The following DOCK7 variants were observed in gnomAD, a reference collection of about 807,000 sequenced individuals.
DOCK7 encodes dedicator of cytokinesis protein 7.
A neutral mutation model predicts 271.0 loss-of-function variants in DOCK7; 138 were observed. That is an observed-to-expected ratio of 0.51 (90% CI 0.44 to 0.59). The LOEUF is 0.59. Ranked by LOEUF, DOCK7 falls within the 20% of genes least tolerant of loss-of-function variation. The pLI is 0.00. For synonymous variants in DOCK7, 823 were observed against 876.1 expected (o/e 0.94, Z 1.07); for missense variants, 2,066 against 2,592.4 (o/e 0.80, Z 4.41).
chr1:62,527,086 T>A (rs577957680), intron 31 of DOCK7, among the ~76,000 whole-genome samples: 2 of 152,262 alleles, frequency 1.3e-5, no homozygotes, highest in Non-Finnish European at 2.9e-5. Flanking sequence ...AATAAAGCTA[T>A]AAAATTGTCA....
chr1:62,493,895 T>C (rs749036595), intron 40 of DOCK7, among the ~76,000 whole-genome samples: 6 of 152,188 alleles, frequency 3.9e-5, no homozygotes, highest in Non-Finnish European at 2.9e-5. Context: ...TAATATTTTA[T>C]GTAGGGAATA....
chr1:62,556,720 T>A (rs1249485857), intron 20 of DOCK7, among the ~76,000 whole-genome samples: 4 of 152,162 alleles, frequency 2.6e-5, no homozygotes, highest in Non-Finnish European at 5.9e-5. Context: ...GATCTTAGAT[T>A]CTATAATTTA....
intron 14 of DOCK7, chr1:62,597,483 T>A: frequency 2.8e-6 from 4 of 1,448,900 alleles, no homozygotes; most frequent in Non-Finnish European, 3.8e-6. Flanking sequence ...GGGCAAATAT[T>A]GGTATATATA....
intron 43 of DOCK7, chr1:62,482,096 T>C (rs201973728): frequency 1.3e-5 from 2 of 152,368 alleles, no homozygotes; most frequent in East Asian, 3.9e-4. Flanking sequence ...TAATAGTAAT[T>C]ATGATTAAAT....
chr1:62,459,407 G>C (rs958940389), intron 48 of DOCK7, among the ~76,000 whole-genome samples: 1 of 151,814 alleles, frequency 6.6e-6, no homozygotes, highest in Non-Finnish European at 1.5e-5. Context: ...CACCTGGCTA[G>C]TTTTTGTATT....
intron 7 of DOCK7, 29 bp downstream of exon 7, chr1:62,647,662 A>G (rs1481924337): frequency 2.0e-6 from 3 of 1,480,904 alleles, no homozygotes; most frequent in Middle Eastern, 1.8e-4. Flanking sequence ...GGAAAATAAA[A>G]GTTGTAAGTA....
At position 62,663,098 on chromosome 1, in the gene DOCK7, G is replaced by A. The variant is rs777069055; in HGVS notation, c.71C>T (p.Ser24Phe). The change falls in exon 2 of 50, where the codon TCC becomes TTC. Residue 24 changes from serine to phenylalanine, a missense_variant. Transcript: ENST00000635253. Reference protein sequence around the residue: ...TVAAEVRKQISGQYSGSPQLL... With the variant: ...TVAAEVRKQIFGQYSGSPQLL... ...TTGGGGAGAACCACTATATTGTCCG[G>A]AGATCTGCTTCCTAACTTCGGCTGC... 1.1e-5 allele frequency: 18 copies of A among 1,612,570 alleles called. No individual in the cohort carries two copies. The highest frequency in any genetic ancestry group is 1.4e-5 in the Non-Finnish European group (17 of 1,179,508).
intron 18 of DOCK7, among the ~76,000 whole-genome samples, chr1:62,563,085 C>T (rs1168914968): frequency 6.6e-6 from 1 of 152,120 alleles, no homozygotes; most frequent in Non-Finnish European, 1.5e-5. Context: ...CCATGTGGAG[C>T]AGTAACAAGG....
Position 62,625,353 on chromosome 1 carries a change from C to G in DOCK7, c.1331G>C (p.Arg444Thr). 1 of 1,613,582 alleles carries G rather than the reference C, an allele frequency of 6.2e-7. No individual in the cohort carries two copies. Among genetic ancestry groups the G allele is most frequent in the Non-Finnish European group, 8.5e-7 (1 of 1,179,690 alleles). ...SERRNSSIVG[R>T]RSLERTTSGD... ...ACTTGTTGTCCTTTCAAGTGATCGT[C>G]TGCCAACAATACTAGAATTCCTCCT... is the stretch of plus-strand genomic sequence containing the variant. The change falls in exon 12 of 50, where the codon AGA becomes ACA. Residue 444 changes from arginine to threonine, a missense_variant. This residue lies in a region of DOCK7 where 1,414 missense variants were observed against 1,670.4 expected (regional missense o/e 0.85). Transcript: ENST00000635253.
intron 22 of DOCK7, among the ~76,000 whole-genome samples, chr1:62,550,411 A>G (rs1645857719): frequency 6.6e-6 from 1 of 152,204 alleles, no homozygotes; most frequent in South Asian, 2.1e-4. Context: ...GTCTCAATGA[A>G]ATGGGAGATA....
chr1:62,457,122 T>C (rs1324987167), intron 49 of DOCK7, among the ~76,000 whole-genome samples: 2 of 152,212 alleles, frequency 1.3e-5, no homozygotes, highest in Non-Finnish European at 2.9e-5. Context: ...TCTGCTTAAA[T>C]AATAGAACTA....
chr1:62,489,887 T>A (rs1646408815), intron 41 of DOCK7, among the ~76,000 whole-genome samples: 1 of 152,082 alleles, frequency 6.6e-6, no homozygotes, highest in Admixed American at 6.5e-5. Context: ...GAAGGCAATC[T>A]CCTATTGTAA....
At chr1:62,556,945 G>T (rs958426539) in intron 20 of DOCK7, among the ~76,000 whole-genome samples, 1 of 152,048 alleles carries the variant, frequency 6.6e-6, no homozygotes, top group African/African-American at 2.4e-5. Context: ...GCTACTCCAA[G>T]TTACAAGAAT....
chr1:62,673,935 A>G (rs1231838529), intron 1 of DOCK7, among the ~76,000 whole-genome samples: 3 of 137,686 alleles, frequency 2.2e-5, no homozygotes, highest in African/African-American at 5.2e-5. Context: ...AAGGGAAGGA[A>G]GCAAGGAAGG....
chr1:62,590,004 C>T (rs1648203200), intron 14 of DOCK7, among the ~76,000 whole-genome samples: 2 of 151,590 alleles, frequency 1.3e-5, no homozygotes, highest in East Asian at 1.9e-4. Flanking sequence ...CAAAGAAGAC[C>T]GAAAGGGCAC....
At chr1:62,463,859 G>C (rs1334110639) in intron 48 of DOCK7, among the ~76,000 whole-genome samples, 1 of 152,102 alleles carries the variant, frequency 6.6e-6, no homozygotes, top group Non-Finnish European at 1.5e-5. Flanking sequence ...CATAGGGAGG[G>C]GATCTCAAAG....
At chr1:62,516,349 T>G (rs1644661447) in intron 31 of DOCK7, among the ~76,000 whole-genome samples, 1 of 152,084 alleles carries the variant, frequency 6.6e-6, no homozygotes, top group African/African-American at 2.4e-5. Flanking sequence ...TCAACCAGGG[T>G]TCCGTGGCAT....
chr1:62,597,896 T>G, intron 14 of DOCK7: 1 of 1,570,498 alleles, frequency 6.4e-7, no homozygotes, highest in Non-Finnish European at 8.6e-7. Context: ...AAGTCAAAAA[T>G]GAAGAGGTAA....
At chr1:62,580,996 C>T (rs1394200793) in intron 16 of DOCK7, among the ~76,000 whole-genome samples, 1 of 152,130 alleles carries the variant, frequency 6.6e-6, no homozygotes, top group Non-Finnish European at 1.5e-5. Flanking sequence ...GCTGTTTTTG[C>T]ACTATAATGG....
Sources: gnomAD v4.1 joint callset for allele counts (sites outside exome capture counted in the v4.1 genomes callset) on GRCh38, gnomAD v4.1.1 for gene constraint, gnomAD v4.1.1 regional missense constraint, MANE v1.5 for transcripts, NCBI Gene and HGNC (gene_info 2026-07-23, HGNC 2026-07-21) for gene names.